Variants in CCNY observed in about 807,000 individuals in gnomAD.
CCNY encodes the protein cyclin Y, also known as cyclin-Y.
In CCNY, 19 loss-of-function variants were observed where a neutral mutation model predicts 42.8. That is an observed-to-expected ratio of 0.44 (90% CI 0.31 to 0.65). The LOEUF is 0.65. Ranked by LOEUF, CCNY falls within the 30% of genes least tolerant of loss-of-function variation. The pLI, the probability that CCNY is intolerant of heterozygous loss-of-function variation, is 0.07. For synonymous variants in CCNY, 165 were observed against 162.7 expected, an observed-to-expected ratio of 1.01 and a Z score of -0.11; for missense variants, 370 against 437.3, an observed-to-expected ratio of 0.85 and a Z score of 1.37.
intron 1 of CCNY, among the ~76,000 whole-genome samples, chr10:35,415,316 T>C (rs2135254049): frequency 6.6e-6 from 1 of 151,232 alleles, no homozygotes; most frequent in South Asian, 2.1e-4. Flanking sequence ...TCAGAAGAGA[T>C]AGAGCCTGGT....
chr10:35,331,987 T>C (rs1195232403), upstream of CCNY, among the ~76,000 whole-genome samples: 2 of 152,186 alleles, frequency 1.3e-5, no homozygotes, highest in Admixed American at 6.5e-5. Flanking sequence ...CCTGGCTCAG[T>C]ATACTCTCAA....
chr10:35,370,950 A>T lies in CCNY; in HGVS notation c.154+33743A>T, dbSNP rs545824711. Among the ~76,000 whole-genome samples, 992 of 152,038 alleles carry T rather than the reference A, an allele frequency of 6.5e-3. 10 individuals carry two copies. Among genetic ancestry groups the T allele is most frequent in the African/African-American group, 0.023 (948 of 41,428 alleles). On this transcript the variant is annotated intron_variant, in intron 1 of 9. Coordinates refer to ENST00000374704, the MANE Select transcript of CCNY (RefSeq NM_145012.6). ...CAGGATGGTCTCGATCTCCTGACCC[A>T]GTGATCCGTCCGCCTCGGCCTCTCA... is the stretch of plus-strand genomic sequence containing the variant.
intron 1 of CCNY, among the ~76,000 whole-genome samples, chr10:35,444,649 C>G (rs113660764): frequency 0.01 from 1,583 of 152,306 alleles, 24 homozygotes; most frequent in African/African-American, 0.036. Context: ...TAGGTGATAG[C>G]AGTTTTTCAG....
chr10:35,513,296 TC>T (rs1426529268), intron 3 of CCNY, among the ~76,000 whole-genome samples: 1 of 152,152 alleles, frequency 6.6e-6, no homozygotes, highest in Non-Finnish European at 1.5e-5. Context: ...CTCATCAGGC[TC>T]CCCTTCTAAG....
intron 1 of CCNY, among the ~76,000 whole-genome samples, chr10:35,399,315 C>CCCAGGGGGTCCTTCTCCATGT (rs56799045): frequency 6.6e-6 from 1 of 151,778 alleles, no homozygotes; most frequent in Admixed American, 6.6e-5. Context: ...GGCTTGACTG[C>CCCAGGGGGTCCTTCTCCATGT]CCAGGATGCT....
chr10:35,401,899 A>ATC (rs1241222131), intron 1 of CCNY, among the ~76,000 whole-genome samples: 1 of 152,176 alleles, frequency 6.6e-6, no homozygotes, highest in Non-Finnish European at 1.5e-5. Flanking sequence ...GTGGTAGAAT[A>ATC]TCATCAGTTA....
chr10:35,413,184 G>C (rs1034941713), intron 1 of CCNY, among the ~76,000 whole-genome samples: 1 of 152,188 alleles, frequency 6.6e-6, no homozygotes, highest in African/African-American at 2.4e-5. Flanking sequence ...TAGAATCGGG[G>C]AGATGAGTTG....
intron 8 of CCNY, among the ~76,000 whole-genome samples, chr10:35,554,250 T>G (rs1277637119): frequency 6.6e-6 from 1 of 152,156 alleles, no homozygotes; most frequent in Non-Finnish European, 1.5e-5. Context: ...CTCTGGTTAC[T>G]GACTCCCCAG....
chr10:35,330,133 C>T (rs570520593), intron 3 of CCNY, among the ~76,000 whole-genome samples: 80 of 152,186 alleles, frequency 5.3e-4, no homozygotes, highest in African/African-American at 1.8e-3. Context: ...GTGCCTGGCT[C>T]GAGGGAGACA....
chr10:35,468,096 G>A (rs943009573), intron 1 of CCNY, among the ~76,000 whole-genome samples: 24 of 152,222 alleles, frequency 1.6e-4, no homozygotes, highest in African/African-American at 5.8e-4. Context: ...TACAGTTCAG[G>A]AAGCTGGTAG....
At chr10:35,295,653 A>G (rs2135067908) in intron 3 of CCNY, among the ~76,000 whole-genome samples, 1 of 152,104 alleles carries the variant, frequency 6.6e-6, no homozygotes, top group African/African-American at 2.4e-5. Flanking sequence ...AATACTTGTC[A>G]TTTTGTGTCT....
intron 7 of CCNY, among the ~76,000 whole-genome samples, chr10:35,537,555 A>C (rs1449277243): frequency 6.6e-6 from 1 of 152,236 alleles, no homozygotes; most frequent in Non-Finnish European, 1.5e-5. Context: ...GCCCAGGACT[A>C]TCAGAACCCA....
intron 7 of CCNY, among the ~76,000 whole-genome samples, chr10:35,549,695 G>A (rs1423956318): frequency 6.9e-6 from 1 of 145,906 alleles, no homozygotes; most frequent in African/African-American, 2.6e-5. Context: ...CGCTGCTCAT[G>A]GTCCGTGACC....
In CCNY at chr10:35,533,296, C is replaced by CT. The variant is rs202149965; in HGVS notation, c.579+3061dup. Among the ~76,000 whole-genome samples, 457 of 152,108 alleles carry CT rather than the reference C, an allele frequency of 3.0e-3. 1 individual carries two copies. The highest frequency in any genetic ancestry group is 0.01 in the African/African-American group (432 of 41,506). On this transcript the variant is annotated intron_variant, in intron 7 of 9. Coordinates refer to ENST00000374704, the MANE Select transcript of CCNY (RefSeq NM_145012.6). ...AGAGTTGAAGGAGCTTGGTCCTGCT[C>CT]TTTTTTTTCTCACTTTGCACGCTCC...
chr10:35,281,791 A>G (rs781243553), intron 3 of CCNY, among the ~76,000 whole-genome samples: 1 of 152,198 alleles, frequency 6.6e-6, no homozygotes, highest in South Asian at 2.1e-4. Context: ...TACGGCATGG[A>G]TGAGATTATT....
chr10:35,257,918 C>A (rs2095716783), intron 3 of CCNY, among the ~76,000 whole-genome samples: 1 of 152,162 alleles, frequency 6.6e-6, no homozygotes, highest in Admixed American at 6.5e-5. Context: ...ATTCTGTTTA[C>A]TTTTCTTCAA....
intron 3 of CCNY, among the ~76,000 whole-genome samples, chr10:35,274,289 G>GC (rs1430418836): frequency 3.3e-5 from 5 of 152,150 alleles, no homozygotes; most frequent in Admixed American, 6.5e-5. Context: ...GGGGGAACCT[G>GC]CCCCCATGAT....
chr10:35,272,128 A>ACCATG (rs1835178164), intron 3 of CCNY, among the ~76,000 whole-genome samples: 1 of 152,136 alleles, frequency 6.6e-6, no homozygotes, highest in Admixed American at 6.5e-5. Flanking sequence ...CTGGGATTAC[A>ACCATG]GGCATGCAAC....
rs543757623 is a variant in CCNY, at chr10:35,501,894, T to C, written c.264+359T>C. On this transcript the variant is annotated intron_variant, in intron 3 of 9. Coordinates refer to ENST00000374704, the MANE Select transcript of CCNY (RefSeq NM_145012.6). Reference sequence around the variant, plus strand: ...TATTCTTTTTCTCTTGTAGCTCAGTTCCATTTGAATAAACACATAGTTGTT... The same window carrying C: ...TATTCTTTTTCTCTTGTAGCTCAGTCCCATTTGAATAAACACATAGTTGTT... Among the ~76,000 whole-genome samples the C allele has an allele frequency of 3.4e-4, 52 of 152,370 alleles. 1 individual carries two copies. Among genetic ancestry groups the C allele is most frequent in the African/African-American group, 1.3e-3 (52 of 41,582 alleles).
Sources: allele counts gnomAD v4.1 joint callset (sites outside exome capture counted in the v4.1 genomes callset), GRCh38; gene constraint gnomAD v4.1.1; transcripts MANE v1.5; gene names NCBI Gene and HGNC (gene_info 2026-07-23, HGNC 2026-07-21).